TMEM117: variants seen among roughly 807,000 people sequenced by gnomAD.
TMEM117 encodes the protein transmembrane protein 117.
Under a neutral mutation model 52.4 loss-of-function variants are expected in TMEM117, and 27 were observed. That is an observed-to-expected ratio of 0.51 (90% CI 0.38 to 0.71). TMEM117 has a LOEUF of 0.71. TMEM117 is among the 30% of genes least tolerant of loss of function. The pLI, the probability that TMEM117 is intolerant of heterozygous loss-of-function variation, is 0.00. For synonymous variants in TMEM117, 215 were observed against 206.3 expected, an observed-to-expected ratio of 1.04 and a Z score of -0.36; for missense variants, 556 against 630.5, an observed-to-expected ratio of 0.88 and a Z score of 1.26.
intron 2 of TMEM117, among the ~76,000 whole-genome samples, chr12:43,938,072 T>A (rs1177460242): frequency 2.0e-5 from 3 of 151,480 alleles, no homozygotes; most frequent in African/African-American, 7.3e-5. Context: ...CCCGTAGGGA[T>A]TTTTTATTAG....
At position 44,136,301 on chromosome 12, in the gene TMEM117, T is replaced by C. The variant is rs552180606; in HGVS notation, c.411-7224T>C. Among the ~76,000 whole-genome samples, 168 of 152,274 alleles carry C rather than the reference T, an allele frequency of 1.1e-3. 4 individuals are homozygous for C. In the South Asian group the frequency reaches 0.032, roughly 29 times the overall value. The stretch of plus-strand genomic sequence containing the variant: ...ATGAAGTCTCTTTGTTGTATTTGTT[T>C]ACTTCATTAGAGGTAGAAGACAGAA... On this transcript the variant is annotated intron_variant, in intron 3 of 7. Transcript: ENST00000266534.
At chr12:44,197,515 T>C (rs772532068) in intron 4 of TMEM117, among the ~76,000 whole-genome samples, 3 of 151,728 alleles carry the variant, frequency 2.0e-5, no homozygotes, top group Non-Finnish European at 4.4e-5. Context: ...TAGAAGATGG[T>C]GTAAATATTT....
At chr12:43,952,649 A>G (rs956270383) in intron 3 of TMEM117, among the ~76,000 whole-genome samples, 1 of 152,212 alleles carries the variant, frequency 6.6e-6, no homozygotes, top group Non-Finnish European at 1.5e-5. Flanking sequence ...CTATGTAAAA[A>G]GATGGAACTT....
intron 4 of TMEM117, among the ~76,000 whole-genome samples, chr12:44,175,056 C>T (rs780640937): frequency 1.3e-4 from 20 of 152,114 alleles, no homozygotes; most frequent in Non-Finnish European, 2.6e-4. Flanking sequence ...GGTTGAAGGA[C>T]CAGGCTTTAC....
intron 4 of TMEM117, among the ~76,000 whole-genome samples, chr12:44,167,634 T>C (rs1168026666): frequency 6.6e-6 from 1 of 151,992 alleles, no homozygotes; most frequent in Admixed American, 6.6e-5. Flanking sequence ...ACCACTGCAC[T>C]CCAGCTTGGG....
chr12:43,876,367 G>C (rs1943794501), intron 2 of TMEM117, among the ~76,000 whole-genome samples: 1 of 152,140 alleles, frequency 6.6e-6, no homozygotes, highest in Non-Finnish European at 1.5e-5. Context: ...GGTTTCCTCT[G>C]ATATTGTCTT....
In TMEM117 at chr12:43,847,952, A is replaced by C. The variant is rs757533743; in HGVS notation, c.277+3024A>C. On this transcript the variant is annotated intron_variant, in intron 2 of 7. Coordinates refer to ENST00000266534, the MANE Select transcript of TMEM117 (RefSeq NM_032256.3). ...GCCGCCAGGGGTGACATCACATATC[A>C]GTAGGACTGTGATGCCCGCCTGAGT... 1.3e-3 allele frequency among the ~76,000 whole-genome samples: 203 copies of C among 152,300 alleles called. 1 individual carries two copies. Among genetic ancestry groups the C allele is most frequent in the Non-Finnish European group, 2.5e-3 (167 of 68,020 alleles).
chr12:43,926,460 A>G (rs1012066388), intron 2 of TMEM117, among the ~76,000 whole-genome samples: 3 of 152,250 alleles, frequency 2.0e-5, no homozygotes, highest in South Asian at 2.1e-4. Context: ...AAATGTTTAC[A>G]TCGGAATTTC....
intron 3 of TMEM117, among the ~76,000 whole-genome samples, chr12:44,063,632 A>G (rs371262315): frequency 4.2e-4 from 17 of 40,874 alleles, no homozygotes; most frequent in African/African-American, 1.6e-3. Context: ...CCCACCCCAC[A>G]ACAGCCCCCG....
At chr12:43,919,493 T>A (rs1238412545) in intron 2 of TMEM117, among the ~76,000 whole-genome samples, 1 of 152,214 alleles carries the variant, frequency 6.6e-6, no homozygotes, top group Non-Finnish European at 1.5e-5. Context: ...CTGAATACTA[T>A]ATCATTGTGT....
At chr12:44,279,766 G>C (rs547980958) in intron 5 of TMEM117, among the ~76,000 whole-genome samples, 1 of 152,062 alleles carries the variant, frequency 6.6e-6, no homozygotes, top group South Asian at 2.1e-4. Flanking sequence ...CGCCCACCCT[G>C]GCCTCCCAAA....
intron 7 of TMEM117, among the ~76,000 whole-genome samples, chr12:44,384,499 A>G (rs2138868739): frequency 6.6e-6 from 1 of 152,210 alleles, no homozygotes; most frequent in South Asian, 2.1e-4. Context: ...ATTCATAGAT[A>G]TAAAAGGTCT....
intron 3 of TMEM117, among the ~76,000 whole-genome samples, chr12:44,128,860 T>G (rs1463642636): frequency 6.6e-6 from 1 of 152,208 alleles, no homozygotes; most frequent in Non-Finnish European, 1.5e-5. Context: ...ATTAATGTCT[T>G]GAAGTCTTAC....
Position 43,917,397 on chromosome 12 carries a change from C to A in TMEM117, c.278-26813C>A, listed in dbSNP as rs1592361797. 2.0e-5 allele frequency among the ~76,000 whole-genome samples: 3 copies of A among 152,190 alleles called. No individual in the cohort carries two copies. In the South Asian group the frequency reaches 6.2e-4, roughly 32 times the overall value. Reference sequence around the variant, plus strand: ...TGCTAACTCACCTTGAGTGCATGCCCTGTGTCAGGGCACTTTAGTAAGTGG... The same window carrying A: ...TGCTAACTCACCTTGAGTGCATGCCATGTGTCAGGGCACTTTAGTAAGTGG... On this transcript the variant is annotated intron_variant, in intron 2 of 7. Transcript: ENST00000266534.
At position 44,297,999 on chromosome 12, in the gene TMEM117, A is replaced by G. The variant is rs545398246; in HGVS notation, c.609-1581A>G. On this transcript the variant is annotated intron_variant, in intron 5 of 7. Transcript: ENST00000266534. Reference sequence around the variant, plus strand: ...AGGTCGTGAGTCAAATTCTTTTGAAAGTTTGCAATTTTAATAAAATAATGA... The same window carrying G: ...AGGTCGTGAGTCAAATTCTTTTGAAGGTTTGCAATTTTAATAAAATAATGA... 8.5e-5 allele frequency among the ~76,000 whole-genome samples: 13 copies of G among 152,306 alleles called. No homozygotes were observed. In the East Asian group the frequency reaches 2.3e-3, roughly 27 times the overall value.
At chr12:44,395,818 A>G in the TMEM117 span, among the ~76,000 whole-genome samples, 1 of 152,226 alleles carries the variant, frequency 6.6e-6, no homozygotes, top group Non-Finnish European at 1.5e-5. Context: ...CACTTCTTGC[A>G]TTCCATTGGC....
intron 2 of TMEM117, among the ~76,000 whole-genome samples, chr12:43,937,633 T>G (rs1409767663): frequency 6.6e-6 from 1 of 152,152 alleles, no homozygotes; most frequent in African/African-American, 2.4e-5. Flanking sequence ...GGAGAGCAGC[T>G]TAAAGAACTG....
chr12:43,920,431 T>A (rs2137554286), intron 2 of TMEM117, among the ~76,000 whole-genome samples: 1 of 152,152 alleles, frequency 6.6e-6, no homozygotes, highest in East Asian at 1.9e-4. Flanking sequence ...GAGAATCACT[T>A]GAACCCGGGA....
chr12:43,914,617 C>T (rs1944569762), intron 2 of TMEM117, among the ~76,000 whole-genome samples: 4 of 152,026 alleles, frequency 2.6e-5, no homozygotes, highest in Non-Finnish European at 2.9e-5. Flanking sequence ...TTTTACTGTC[C>T]CTGACTGATA....
Sources: gnomAD v4.1 joint callset for allele counts (sites outside exome capture counted in the v4.1 genomes callset) on GRCh38, gnomAD v4.1.1 for gene constraint, MANE v1.5 for transcripts, NCBI Gene and HGNC (gene_info 2026-07-23, HGNC 2026-07-21) for gene names.